The following MAP6 variants were observed in gnomAD, a reference collection of about 807,000 sequenced individuals.
The protein encoded by MAP6 is microtubule-associated protein 6.
Under a neutral mutation model 42.4 loss-of-function variants are expected in MAP6, and 26 were observed. The observed-to-expected ratio is 0.61, with a 90% CI of 0.45 to 0.85. The LOEUF is 0.85. Among genes scored for constraint, MAP6 ranks in the 40% least tolerant of loss-of-function variants. The pLI is 0.00. For missense variants in MAP6, 966 were observed against 1,099.0 expected (o/e 0.88, Z 1.71); for synonymous variants, 418 against 443.8 (o/e 0.94, Z 0.73).
At chr11:75,632,302 A>G (rs1276571122) in intron 1 of MAP6, among the ~76,000 whole-genome samples, 1 of 152,176 alleles carries the variant, frequency 6.6e-6, no homozygotes, top group Non-Finnish European at 1.5e-5. Context: ...GCCCAGGGAC[A>G]GCAAATTAGG....
chr11:75,637,134 G>A (rs1276389617), intron 1 of MAP6, among the ~76,000 whole-genome samples: 3 of 152,186 alleles, frequency 2.0e-5, no homozygotes, highest in African/African-American at 7.2e-5. Flanking sequence ...AATTTAAAGA[G>A]TCAGGAAGCT....
At chr11:75,652,515 G>A (rs1943664888) in intron 1 of MAP6, among the ~76,000 whole-genome samples, 1 of 152,148 alleles carries the variant, frequency 6.6e-6, no homozygotes, top group Non-Finnish European at 1.5e-5. Flanking sequence ...TTTCAAGTTA[G>A]AATTGATAAG....
chr11:75,658,623 G>A (rs574573641), intron 1 of MAP6, among the ~76,000 whole-genome samples: 6 of 152,214 alleles, frequency 3.9e-5, no homozygotes, highest in African/African-American at 1.4e-4. Flanking sequence ...TGCTGTCAAA[G>A]TCACCTTTTC....
At chr11:75,633,788 GC>G (rs1433381783) in intron 1 of MAP6, among the ~76,000 whole-genome samples, 1 of 152,236 alleles carries the variant, frequency 6.6e-6, no homozygotes, top group Non-Finnish European at 1.5e-5. Context: ...GGCCAGTGAG[GC>G]TGAATGGGAG....
chr11:75,650,901 C>A (rs1234581462), intron 1 of MAP6, among the ~76,000 whole-genome samples: 1 of 152,146 alleles, frequency 6.6e-6, no homozygotes, highest in Non-Finnish European at 1.5e-5. Flanking sequence ...TTCTTCAGAA[C>A]ACTTCTCCCT....
intron 1 of MAP6, among the ~76,000 whole-genome samples, chr11:75,632,724 T>C (rs1423919644): frequency 2.0e-5 from 3 of 152,190 alleles, no homozygotes; most frequent in African/African-American, 7.2e-5. Flanking sequence ...CTAACCACTA[T>C]TGTTATGACT....
chr11:75,600,568 G>A (rs1052017936), intron 3 of MAP6, among the ~76,000 whole-genome samples: 8 of 152,124 alleles, frequency 5.3e-5, no homozygotes, highest in Non-Finnish European at 1.0e-4. Flanking sequence ...TGTCTTTCCT[G>A]TTCCAGTGGC....
chr11:75,632,898 C>T lies in MAP6; in HGVS notation c.906-24576G>A, dbSNP rs1310850233. 2.6e-5 allele frequency among the ~76,000 whole-genome samples: 4 copies of T among 152,070 alleles called. No homozygotes were observed. In the East Asian group the frequency reaches 7.7e-4, roughly 29 times the overall value. ...TAGATGGAGAGAGAGGAAATAACTC[C>T]ATTAAAGTCACATAGCAACTGATGG... On this transcript the variant is annotated intron_variant, in intron 1 of 3. Transcript: ENST00000304771.
In MAP6 at chr11:75,668,462, A is replaced by G. The variant is rs1176760211; in HGVS notation, c.-93T>C. ...TTCAGCCTCCGATCCTGACCGGCCAATGTGGTTCCCACCGTTTTCTACCCC... is the reference window on the plus strand; with the variant it reads ...TTCAGCCTCCGATCCTGACCGGCCAGTGTGGTTCCCACCGTTTTCTACCCC... On this transcript the variant is annotated 5_prime_UTR_variant, in exon 1 of 4. Transcript: ENST00000304771. 10 of 1,408,496 alleles carry G rather than the reference A, an allele frequency of 7.1e-6. No individual in the cohort carries two copies. The South Asian group carries it at 1.3e-4, about 18-fold the overall frequency. The allele number at this position is 1,408,496 out of a possible 1,614,324, so 87.2% of individuals were successfully genotyped here. A position where few individuals can be genotyped will look rare whatever the true frequency, so the allele number is the denominator to read the frequency against.
intron 1 of MAP6, among the ~76,000 whole-genome samples, chr11:75,621,839 A>C (rs1226164630): frequency 6.6e-6 from 1 of 152,158 alleles, no homozygotes; most frequent in Non-Finnish European, 1.5e-5. Flanking sequence ...CCTGGCCAAC[A>C]CGGGGAAACC....
At chr11:75,642,721 C>T (rs372871048) in intron 1 of MAP6, 134 of 250,278 alleles carry the variant, frequency 5.4e-4, no homozygotes, top group African/African-American at 2.9e-3. Flanking sequence ...TGTTGCTACC[C>T]TACCAGCCAC....
intron 1 of MAP6, among the ~76,000 whole-genome samples, chr11:75,615,552 CTTG>C (rs1035630969): frequency 6.6e-6 from 1 of 152,148 alleles, no homozygotes; most frequent in African/African-American, 2.4e-5. Flanking sequence ...CTCCACAGAC[CTTG>C]TTGTCAGGTG....
chr11:75,641,624 T>C (rs1196841696), intron 1 of MAP6, among the ~76,000 whole-genome samples: 1 of 152,244 alleles, frequency 6.6e-6, no homozygotes, highest in Non-Finnish European at 1.5e-5. Flanking sequence ...AAGCCTGCTC[T>C]GGCTCAGGGA....
intron 1 of MAP6, among the ~76,000 whole-genome samples, chr11:75,632,315 G>T (rs552171627): frequency 2.9e-4 from 44 of 152,230 alleles, no homozygotes; most frequent in African/African-American, 1.0e-3. Context: ...AAATTAGGGG[G>T]CCAAGATCAC....
At chr11:75,631,059 A>C (rs987872524) in intron 1 of MAP6, among the ~76,000 whole-genome samples, 1 of 152,226 alleles carries the variant, frequency 6.6e-6, no homozygotes, top group Non-Finnish European at 1.5e-5. Context: ...AATTGTGTCT[A>C]TAATAAAGTG....
At chr11:75,664,064 C>T (rs955046577) in intron 1 of MAP6, among the ~76,000 whole-genome samples, 1 of 152,186 alleles carries the variant, frequency 6.6e-6, no homozygotes, top group African/African-American at 2.4e-5. Context: ...TTTTAATCCC[C>T]TCCTTATGAC....
At chr11:75,654,773 G>C (rs1943708972) in intron 1 of MAP6, among the ~76,000 whole-genome samples, 1 of 152,152 alleles carries the variant, frequency 6.6e-6, no homozygotes, top group African/African-American at 2.4e-5. Flanking sequence ...TCATGACTCT[G>C]TGAAGTCACA....
chr11:75,616,808 C>T (rs1269761669), intron 1 of MAP6, among the ~76,000 whole-genome samples: 2 of 152,230 alleles, frequency 1.3e-5, no homozygotes, highest in African/African-American at 4.8e-5. Context: ...ATAGAGAATG[C>T]CAGTATTCTA....
intron 1 of MAP6, among the ~76,000 whole-genome samples, chr11:75,619,181 C>T (rs1260617942): frequency 1.3e-5 from 2 of 151,992 alleles, no homozygotes; most frequent in East Asian, 1.9e-4. Context: ...TCCTAGGACA[C>T]ACCATACCCT....
Sources: gnomAD v4.1 joint callset for allele counts (sites outside exome capture counted in the v4.1 genomes callset) on GRCh38, gnomAD v4.1.1 for gene constraint, MANE v1.5 for transcripts, NCBI Gene and HGNC (gene_info 2026-07-23, HGNC 2026-07-21) for gene names.